TRHDE: variants seen among roughly 807,000 people sequenced by gnomAD.
TRHDE encodes the protein thyrotropin releasing hormone degrading enzyme.
Under a neutral mutation model 125.7 loss-of-function variants are expected in TRHDE, and 72 were observed. The observed-to-expected ratio is 0.57, with a 90% CI of 0.47 to 0.70. TRHDE has a LOEUF of 0.70. TRHDE is among the 30% of genes least tolerant of loss of function. TRHDE has a pLI of 0.00. For missense variants in TRHDE, 1,110 were observed against 1,327.1 expected, an observed-to-expected ratio of 0.84 and a Z score of 2.54; for synonymous variants, 509 against 509.1, an observed-to-expected ratio of 1.00 and a Z score of 0.00.
At chr12:72,413,844 C>T (rs1196217976) in intron 3 of TRHDE, among the ~76,000 whole-genome samples, 3 of 151,982 alleles carry the variant, frequency 2.0e-5, no homozygotes, top group East Asian at 1.9e-4. Flanking sequence ...ATCCCAGCAA[C>T]GTAGCTATGC....
At chr12:72,501,499 AT>A (rs1878153746) in intron 6 of TRHDE, among the ~76,000 whole-genome samples, 1 of 151,938 alleles carries the variant, frequency 6.6e-6, no homozygotes, top group Non-Finnish European at 1.5e-5. Context: ...ATAATGATTA[AT>A]TTTTTAATGT....
intron 18 of TRHDE, among the ~76,000 whole-genome samples, chr12:72,657,253 C>A (rs1366697663): frequency 6.6e-6 from 1 of 152,144 alleles, no homozygotes; most frequent in Non-Finnish European, 1.5e-5. Context: ...TGGAGACCCA[C>A]AATCCACTTC....
chr12:72,171,159 C>G (rs1876864604), intron 2 of TRHDE, among the ~76,000 whole-genome samples: 1 of 151,988 alleles, frequency 6.6e-6, no homozygotes, highest in Non-Finnish European at 1.5e-5. Flanking sequence ...CCTTTCTCAC[C>G]TTCACACCAC....
At chr12:72,507,076 C>T (rs1206863450) in intron 6 of TRHDE, among the ~76,000 whole-genome samples, 1 of 152,156 alleles carries the variant, frequency 6.6e-6, no homozygotes, top group Non-Finnish European at 1.5e-5. Context: ...TTCCTCTTTG[C>T]CTTCCACTGT....
chr12:72,314,503 C>T (rs1329660834), intron 2 of TRHDE, among the ~76,000 whole-genome samples: 2 of 152,122 alleles, frequency 1.3e-5, no homozygotes, highest in Non-Finnish European at 2.9e-5. Context: ...GCAGCATTTA[C>T]TGTAGACACC....
At chr12:72,320,753 A>C (rs903234250) in intron 2 of TRHDE, among the ~76,000 whole-genome samples, 4 of 152,212 alleles carry the variant, frequency 2.6e-5, no homozygotes, top group African/African-American at 9.6e-5. Context: ...AGAGTATATT[A>C]GGTAAAGCTC....
chr12:72,163,103 T>A (rs1876670754), intron 2 of TRHDE: 2 of 152,188 alleles, frequency 1.3e-5, no homozygotes, highest in Non-Finnish European at 2.9e-5. Flanking sequence ...TTTGTTGAAT[T>A]ATAAGGTAGG....
At chr12:72,462,396 T>A (rs191827551) in intron 3 of TRHDE, among the ~76,000 whole-genome samples, 1 of 152,304 alleles carries the variant, frequency 6.6e-6, no homozygotes, top group African/African-American at 2.4e-5. Context: ...CAGAGCTCTT[T>A]ACATGGCAGA....
intron 2 of TRHDE, among the ~76,000 whole-genome samples, chr12:72,295,200 A>AG (rs1258166606): frequency 3.3e-5 from 5 of 151,256 alleles, no homozygotes; most frequent in African/African-American, 1.2e-4. Context: ...GCTCCAGGAG[A>AG]GGGAGACCTG....
intron 15 of TRHDE, among the ~76,000 whole-genome samples, chr12:72,625,959 T>A (rs898735317): frequency 2.6e-5 from 4 of 152,012 alleles, no homozygotes; most frequent in African/African-American, 9.7e-5. Context: ...TGCATGGTGC[T>A]ATATGGCAGA....
chr12:72,095,453 G>A (rs1274689154), intron 1 of TRHDE, among the ~76,000 whole-genome samples: 4 of 152,074 alleles, frequency 2.6e-5, no homozygotes, highest in Non-Finnish European at 5.9e-5. Flanking sequence ...TGAGTTAGAA[G>A]GTACCATAGA....
At chr12:72,634,674 C>T (rs1310598762) in intron 15 of TRHDE, among the ~76,000 whole-genome samples, 2 of 147,408 alleles carry the variant, frequency 1.4e-5, no homozygotes, top group Non-Finnish European at 3.0e-5. Flanking sequence ...ACAACAGTCC[C>T]CAGAGTGTGA....
At chr12:72,101,192 T>C (rs1875058121) in intron 1 of TRHDE, among the ~76,000 whole-genome samples, 2 of 152,220 alleles carry the variant, frequency 1.3e-5, no homozygotes, top group African/African-American at 4.8e-5. Context: ...TTTGCATGGC[T>C]AATGAAGTTC....
At chr12:72,575,045 C>A (rs193066791) in intron 10 of TRHDE, among the ~76,000 whole-genome samples, 1 of 151,944 alleles carries the variant, frequency 6.6e-6, no homozygotes, top group Non-Finnish European at 1.5e-5. Context: ...TATAAGAAAA[C>A]AATTAATTGA....
intron 15 of TRHDE, among the ~76,000 whole-genome samples, chr12:72,641,534 A>T: frequency 6.6e-6 from 1 of 152,212 alleles, no homozygotes; most frequent in East Asian, 1.9e-4. Flanking sequence ...ATGGTATTAT[A>T]CATATTATTC....
chr12:72,582,383 G>GTT, intron 12 of TRHDE: 1 of 984,904 alleles, frequency 1.0e-6, no homozygotes, highest in Non-Finnish European at 1.2e-6. Context: ...AAACAGCATT[G>GTT]TTAAAATAAC....
chr12:72,114,372 G>A (rs2139297194), intron 2 of TRHDE, among the ~76,000 whole-genome samples: 1 of 152,196 alleles, frequency 6.6e-6, no homozygotes, highest in African/African-American at 2.4e-5. Context: ...TTGTCAGGAA[G>A]CCTTACCAAT....
chr12:72,181,624 A>G (rs1354360771), intron 2 of TRHDE, among the ~76,000 whole-genome samples: 4 of 152,206 alleles, frequency 2.6e-5, no homozygotes, highest in Admixed American at 1.3e-4. Context: ...GTATATGCTA[A>G]TAGTATACTG....
At chr12:72,386,249 C>G (rs1186154608) in intron 3 of TRHDE, among the ~76,000 whole-genome samples, 3 of 152,164 alleles carry the variant, frequency 2.0e-5, no homozygotes, top group Non-Finnish European at 2.9e-5. Flanking sequence ...GCCTCCAAGG[C>G]ATTGTTTTAC....
Sources: gnomAD v4.1 joint callset for allele counts (sites outside exome capture counted in the v4.1 genomes callset) on GRCh38, gnomAD v4.1.1 for gene constraint, MANE v1.5 for transcripts, NCBI Gene and HGNC (gene_info 2026-07-23, HGNC 2026-07-21) for gene names.